ADCK2: variants seen among roughly 807,000 people sequenced by gnomAD.
The protein encoded by ADCK2 is aarF domain containing kinase 2.
In ADCK2, 37 loss-of-function variants were observed where a neutral mutation model predicts 52.3. That is an observed-to-expected ratio of 0.71 (90% CI 0.54 to 0.93). The LOEUF (loss-of-function observed/expected upper bound fraction) is 0.93, where lower values mean the gene tolerates loss of function less well. ADCK2 is among the 40% of genes least tolerant of loss of function. The probability of loss-of-function intolerance (pLI) is 0.00; values close to 1 mark genes in which losing one functional copy is unlikely to be tolerated. For missense variants in ADCK2, 695 were observed against 798.7 expected, an observed-to-expected ratio of 0.87 and a Z score of 1.56; for synonymous variants, 321 against 349.2, an observed-to-expected ratio of 0.92 and a Z score of 0.90.
At chr7:140,692,651 G>A (rs972744688) in intron 7 of ADCK2, among the ~76,000 whole-genome samples, 2 of 152,242 alleles carry the variant, frequency 1.3e-5, no homozygotes, top group African/African-American at 2.4e-5. Flanking sequence ...GAGCCACCGC[G>A]CTTGGCCTGT....
Position 140,687,146 on chromosome 7 carries a change from C to T in ADCK2, c.1462C>T (p.Arg488Ter), listed in dbSNP as rs375726537. 8.7e-6 allele frequency: 14 copies of T among 1,612,794 alleles called. No individual in the cohort carries two copies. The highest frequency in any genetic ancestry group is 5.0e-5 in the Admixed American group (3 of 59,846). Residue 488 changes from arginine (R) to a stop codon, truncating the protein, a stop_gained, in exon 5 of 8, where the codon CGA becomes TGA. Transcript: ENST00000072869. LOFTEE classifies it high-confidence loss of function. Reference protein sequence around the residue: ...VAVPSSLCPLRLVLLDAGIVA... With the variant: ...VAVPSSLCPL ...CGTGCCATCTTCCCTCTGCCCGCTGCGACTGGTGCTGCTGGATGCTGGCAT... is the reference window on the plus strand; with the variant it reads ...CGTGCCATCTTCCCTCTGCCCGCTGTGACTGGTGCTGCTGGATGCTGGCAT...
intron 2 of ADCK2, among the ~76,000 whole-genome samples, chr7:140,677,985 G>A (rs1024801729): frequency 9.9e-5 from 15 of 152,142 alleles, no homozygotes; most frequent in Non-Finnish European, 2.2e-4. Flanking sequence ...CATGAGAGAT[G>A]GACCTGGACA....
chr7:140,692,425 T>C (rs180968924), intron 7 of ADCK2, among the ~76,000 whole-genome samples: 1 of 152,358 alleles, frequency 6.6e-6, no homozygotes, highest in East Asian at 1.9e-4. Context: ...TGGTGCAAGC[T>C]TGGCTCATTG....
At position 140,673,038 on chromosome 7, in the gene ADCK2, T is replaced by C; in HGVS notation, c.-293T>C. The C allele has an allele frequency of 5.5e-6, 1 of 182,466 alleles. No individual in the cohort carries two copies. Among genetic ancestry groups the C allele is most frequent in the Non-Finnish European group, 1.1e-5 (1 of 89,010 alleles). The allele number at this position is 182,466 out of a possible 1,614,324, so 11.3% of individuals were successfully genotyped here. On this transcript the variant is annotated 5_prime_UTR_variant, in exon 1 of 8. Coordinates refer to ENST00000072869, the MANE Select transcript of ADCK2 (RefSeq NM_052853.4). This position sits in a 1 kb window ranked among gnomAD's most constrained non-coding sequence, Gnocchi z 6.4. The stretch of plus-strand genomic sequence containing the variant: ...CGCCCGCGCGGCCCCCTCGCTCAGG[T>C]CGCGGGCGCCCGGGGCCTGGCTTCG...
In ADCK2 at chr7:140,693,410, C is replaced by T. The variant is rs748267648; in HGVS notation, c.1741-1253C>T. On this transcript the variant is annotated intron_variant, in intron 7 of 7. Transcript: ENST00000072869. This position sits in a 1 kb window ranked among gnomAD's most constrained non-coding sequence, Gnocchi z 4.0. ...CCAGCCCTTAACGGAGACAAATACT[C>T]TTTAATTTCTAACAAAGAATATTTC... Among the ~76,000 whole-genome samples, 3 of 152,216 alleles carry T rather than the reference C, an allele frequency of 2.0e-5. No homozygotes were observed. The highest frequency in any genetic ancestry group is 7.2e-5 in the African/African-American group (3 of 41,462).
chr7:140,687,874 GTT>G (rs781238437), intron 5 of ADCK2, among the ~76,000 whole-genome samples: 34 of 137,130 alleles, frequency 2.5e-4, no homozygotes, highest in African/African-American at 5.6e-4. Context: ...TGAGATCTTA[GTT>G]TTTTTTTTTT....
chr7:140,691,491 A>G (rs1309170392), intron 7 of ADCK2, among the ~76,000 whole-genome samples: 1 of 151,290 alleles, frequency 6.6e-6, no homozygotes, highest in Non-Finnish European at 1.5e-5. Context: ...GCCGCTCTAG[A>G]GGGTCATGCC....
At position 140,694,850 on chromosome 7, in the gene ADCK2, C is replaced by A. The variant is rs768680444; in HGVS notation, c.*47C>A. 2.6e-6 allele frequency: 4 copies of A among 1,562,846 alleles called. No individual in the cohort carries two copies. In the Admixed American group the frequency reaches 7.9e-5, roughly 31 times the overall value. ...CCCTTGTCAAGAGCTGGAGGCCACT[C>A]CCAAGAGCCTCTCCTATGGCAGCTG... On this transcript the variant is annotated 3_prime_UTR_variant, in exon 8 of 8. Transcript: ENST00000072869.
intron 2 of ADCK2, 91 bp from the exon 3 acceptor site, chr7:140,679,064 G>C: frequency 6.7e-7 from 1 of 1,499,188 alleles, no homozygotes; most frequent in Non-Finnish European, 9.1e-7. Context: ...AGGTGGGGTG[G>C]ATCTCATGAC....
chr7:140,689,847 C>A, intron 6 of ADCK2, 122 bp downstream of exon 6: 1 of 1,213,906 alleles, frequency 8.2e-7, no homozygotes, highest in Non-Finnish European at 1.1e-6. Context: ...GAAAAAGAAC[C>A]ACCCCACATC....
In ADCK2 at chr7:140,679,265, C is replaced by G; in HGVS notation, c.1191C>G (p.Val397=). The change falls in exon 3 of 8, where the codon GTC becomes GTG. Residue 397 remains valine (V), a synonymous_variant. Coordinates refer to ENST00000072869, the MANE Select transcript of ADCK2 (RefSeq NM_052853.4). ...TGCGCCCCTTTGTCACCAGAGAAGTCTTGGTGGAAACGTATGAAGTAAGAG... is the reference window on the plus strand; with the variant it reads ...TGCGCCCCTTTGTCACCAGAGAAGTGTTGGTGGAAACGTATGAAGTAAGAG... ...TPLRPFVTRE[V]LVETYEESVP... 1 of 1,614,000 alleles carries G rather than the reference C, an allele frequency of 6.2e-7. No individual in the cohort carries two copies. Among genetic ancestry groups the G allele is most frequent in the Non-Finnish European group, 8.5e-7 (1 of 1,179,988 alleles).
At chr7:140,679,372 G>A in intron 3 of ADCK2, 89 bp downstream of exon 3, 1 of 1,544,094 alleles carries the variant, frequency 6.5e-7, no homozygotes, top group Non-Finnish European at 8.8e-7. Flanking sequence ...TCAGTCTGGA[G>A]AGAGGATGGG....
At chr7:140,675,348 T>G (rs1018930000) in intron 2 of ADCK2, among the ~76,000 whole-genome samples, 2 of 152,242 alleles carry the variant, frequency 1.3e-5, no homozygotes, top group African/African-American at 4.8e-5. Context: ...CTTGCCATTG[T>G]TGTCCAGGCT....
rs932769399 is a variant in ADCK2 at position 140,678,007 on chromosome 7, G to C, written c.1081-1148G>C. Among the ~76,000 whole-genome samples, 45 of 152,150 alleles carry C rather than the reference G, an allele frequency of 3.0e-4. No individual in the cohort carries two copies. The highest frequency in any genetic ancestry group is 1.1e-3 in the African/African-American group (45 of 41,440). On this transcript the variant is annotated intron_variant, in intron 2 of 7. Coordinates refer to ENST00000072869, the MANE Select transcript of ADCK2 (RefSeq NM_052853.4). The surrounding 1 kb of genome is among the most constrained non-coding windows in gnomAD (Gnocchi z 4.9). ...GATGGACCTGGACAGAGAAGTAGGG[G>C]CCAAATCATGACCCACCTGGATGCC...
intron 5 of ADCK2, among the ~76,000 whole-genome samples, chr7:140,687,876 T>G (rs1276413848): frequency 3.5e-5 from 4 of 114,664 alleles, no homozygotes; most frequent in South Asian, 2.5e-4. Context: ...AGATCTTAGT[T>G]TTTTTTTTTT....
chr7:140,679,799 A>G (rs1428659444), intron 3 of ADCK2, among the ~76,000 whole-genome samples: 1 of 150,138 alleles, frequency 6.7e-6, no homozygotes, highest in Non-Finnish European at 1.5e-5. Context: ...CAGCCTCCCA[A>G]GTAGCTGCGA....
At chr7:140,679,659 TCTC>T (rs1794481680) in intron 3 of ADCK2, among the ~76,000 whole-genome samples, 2 of 139,564 alleles carry the variant, frequency 1.4e-5, no homozygotes, top group African/African-American at 2.6e-5. Flanking sequence ...CAGCCTTCTC[TCTC>T]TTTTTTTTTT....
Position 140,694,867 on chromosome 7 carries a change from T to G in ADCK2, c.*64T>G. Reference sequence around the variant, plus strand: ...AGGCCACTCCCAAGAGCCTCTCCTATGGCAGCTGGGACGTTTTAAAATTGG... The same window carrying G: ...AGGCCACTCCCAAGAGCCTCTCCTAGGGCAGCTGGGACGTTTTAAAATTGG... On this transcript the variant is annotated 3_prime_UTR_variant, in exon 8 of 8. Coordinates refer to ENST00000072869, the MANE Select transcript of ADCK2 (RefSeq NM_052853.4). 6.5e-7 allele frequency: 1 copy of G among 1,534,506 alleles called. No individual in the cohort carries two copies. Among genetic ancestry groups the G allele is most frequent in the Non-Finnish European group, 8.7e-7 (1 of 1,143,358 alleles).
Position 140,695,010 on chromosome 7 carries a change from G to T in ADCK2, c.*207G>T, listed in dbSNP as rs1427740193. ...ATTAGGGAGTAAAAGGAGGGAAGGG[G>T]CCTATCCATTCCATTGTGGAAGCTG... is the stretch of plus-strand genomic sequence containing the variant. On this transcript the variant is annotated 3_prime_UTR_variant, in exon 8 of 8. Coordinates refer to ENST00000072869, the MANE Select transcript of ADCK2 (RefSeq NM_052853.4). The T allele has an allele frequency of 5.3e-6, 7 of 1,310,496 alleles. No homozygotes were observed. The highest frequency in any genetic ancestry group is 5.8e-6 in the Non-Finnish European group (6 of 1,032,324). 81.2% of individuals were successfully genotyped at this position (1,310,496 alleles called of 1,614,324 possible). A position where few individuals can be genotyped will look rare whatever the true frequency, so the allele number is the denominator to read the frequency against.
Sources: gnomAD v4.1 joint callset for allele counts (sites outside exome capture counted in the v4.1 genomes callset) on GRCh38, gnomAD v4.1.1 for gene constraint, Gnocchi (gnomAD v3.1) non-coding constraint, MANE v1.5 for transcripts, NCBI Gene and HGNC (gene_info 2026-07-23, HGNC 2026-07-21) for gene names.